WFDC10B: variants seen among roughly 807,000 people sequenced by gnomAD.
The protein encoded by WFDC10B is protein WFDC10B.
In WFDC10B, 1 loss-of-function variant was observed where a neutral mutation model predicts 2.7. That is an observed-to-expected ratio of 0.38 (90% CI 0.13 to 1.79). The LOEUF is 1.79. Ranked by LOEUF, WFDC10B falls within the 40% of genes most tolerant of loss-of-function variation. The pLI is 0.33. For missense variants in WFDC10B, 71 were observed against 87.8 expected (o/e 0.81, Z 0.76); for synonymous variants, 26 against 32.2 (o/e 0.81, Z 0.65).
intron 2 of WFDC10B, among the ~76,000 whole-genome samples, chr20:45,689,368 T>C (rs1297102498): frequency 3.3e-5 from 5 of 151,614 alleles, no homozygotes; most frequent in Admixed American, 1.3e-4. Context: ...TTTTTTCCAA[T>C]TCTGTGAAGA....
chr20:45,692,643 T>C (rs898994534), intron 2 of WFDC10B, among the ~76,000 whole-genome samples: 1 of 152,248 alleles, frequency 6.6e-6, no homozygotes, highest in African/African-American at 2.4e-5. Flanking sequence ...GGCTTCTGCA[T>C]TCTTCATGTA....
chr20:45,685,074 CCTGGACTCTT>C (rs1315445639), intron 3 of WFDC10B, 114 bp from the exon 4 acceptor site: 1 of 1,384,656 alleles, frequency 7.2e-7, no homozygotes, highest in Non-Finnish European at 9.8e-7. Context: ...CCACGACTCT[CCTGGACTCTT>C]CAGGGAACTT....
Position 45,684,861 on chromosome 20 carries a change from A to G in WFDC10B, c.191T>C (p.Phe64Ser), listed in dbSNP as rs1428897743. The G allele has an allele frequency of 1.2e-6, 2 of 1,614,020 alleles. No homozygotes were observed. Among genetic ancestry groups the G allele is most frequent in the South Asian group, 2.2e-5 (2 of 91,076 alleles). The change falls in exon 4 of 4, where the codon TTC (phenylalanine) becomes TCC (serine). Residue 64 changes from phenylalanine to serine, a missense_variant. Coordinates refer to ENST00000330523, the MANE Select transcript of WFDC10B (RefSeq NM_172006.2). ...CETNKICCSA[F>S]CGNICMSIL ...GATGCTCATACAAATGTTCCCACAGAAGGCTGAACAGCATATCTTATTTGT... is the reference window on the plus strand; with the variant it reads ...GATGCTCATACAAATGTTCCCACAGGAGGCTGAACAGCATATCTTATTTGT...
intron 2 of WFDC10B, chr20:45,702,305 AC>A: frequency 1.6e-6 from 2 of 1,289,626 alleles, no homozygotes; most frequent in East Asian, 5.1e-5. Flanking sequence ...TTGGAAAAAT[AC>A]CGTGTCATGT....
At chr20:45,699,046 T>C (rs1984066870) in intron 2 of WFDC10B, among the ~76,000 whole-genome samples, 1 of 151,862 alleles carries the variant, frequency 6.6e-6, no homozygotes, top group South Asian at 2.1e-4. Flanking sequence ...CATCATTAGT[T>C]ATTAGGGAAA....
rs200129513 is a variant in WFDC10B at position 45,686,139 on chromosome 20, TCCTTGCTTCCTGC to T, written c.-64-96_-64-84del. The T allele has an allele frequency of 2.0e-3, 2,814 of 1,434,932 alleles. 43 individuals are homozygous for T. In the African/African-American group the frequency reaches 0.036, roughly 18 times the overall value. The allele number at this position is 1,434,932 out of a possible 1,614,324, so 88.9% of individuals were successfully genotyped here. The stretch of plus-strand genomic sequence containing the variant: ...TGGACAAGTCAGGGCAGAGCAAGAG[TCCTTGCTTCCTGC>T]CCTTGCCTTCTCCTGGCCCTGTCCT... On this transcript the variant is annotated intron_variant, in intron 2 of 3. Transcript: ENST00000330523.
chr20:45,704,912 C>CTG lies in WFDC10B; in HGVS notation c.-130+4_-130+5dup. 1 of 1,613,668 alleles carries CTG rather than the reference C, an allele frequency of 6.2e-7. No individual in the cohort carries two copies. The highest frequency in any genetic ancestry group is 8.5e-7 in the Non-Finnish European group (1 of 1,179,598). Reference sequence around the variant, plus strand: ...AGAATCCACCCTTATCCCAGGGACACTGTACCTGCAGGTGTAACCAAAATC... The same window carrying CTG: ...AGAATCCACCCTTATCCCAGGGACACTGTGTACCTGCAGGTGTAACCAAAATC... On this transcript the variant is annotated splice_donor_region_variant and intron_variant, in intron 1 of 3. Coordinates refer to ENST00000330523, the MANE Select transcript of WFDC10B (RefSeq NM_172006.2).
At chr20:45,686,857 C>T (rs139174434) in intron 2 of WFDC10B, among the ~76,000 whole-genome samples, 1,587 of 152,054 alleles carry the variant, frequency 0.01, 27 homozygotes, top group African/African-American at 0.035. Context: ...GATGGGGTTC[C>T]GCCATGTTGG....
At position 45,704,912 on chromosome 20, in the gene WFDC10B, C is replaced by T; in HGVS notation, c.-130+6G>A. 6.2e-7 allele frequency: 1 copy of T among 1,613,666 alleles called. No homozygotes were observed. The highest frequency in any genetic ancestry group is 1.1e-5 in the South Asian group (1 of 91,064). On this transcript the variant is annotated splice_donor_region_variant and intron_variant, in intron 1 of 3. Transcript: ENST00000330523. ...AGAATCCACCCTTATCCCAGGGACA[C>T]TGTACCTGCAGGTGTAACCAAAATC... is the stretch of plus-strand genomic sequence containing the variant.
chr20:45,704,357 T>C, intron 2 of WFDC10B, 140 bp downstream of exon 2: 2 of 1,518,028 alleles, frequency 1.3e-6, no homozygotes, highest in Non-Finnish European at 1.8e-6. Context: ...GGTGGCAGGT[T>C]TCCTGGCAGT....
chr20:45,701,741 G>A (rs1360768244), intron 2 of WFDC10B, among the ~76,000 whole-genome samples: 2 of 140,674 alleles, frequency 1.4e-5, no homozygotes, highest in African/African-American at 2.6e-5. Flanking sequence ...CAGCCTGGGT[G>A]ACAGAGCCAG....
intron 2 of WFDC10B, among the ~76,000 whole-genome samples, chr20:45,700,911 A>C (rs1013967444): frequency 6.6e-6 from 1 of 152,244 alleles, no homozygotes; most frequent in African/African-American, 2.4e-5. Flanking sequence ...GAACACACAA[A>C]GAAACCATAA....
At chr20:45,701,543 C>A (rs914276421) in intron 2 of WFDC10B, among the ~76,000 whole-genome samples, 4 of 152,082 alleles carry the variant, frequency 2.6e-5, no homozygotes, top group African/African-American at 9.7e-5. Flanking sequence ...GGGCAGATCA[C>A]CTGAGGTCAG....
chr20:45,703,714 G>A (rs60127646), intron 2 of WFDC10B, among the ~76,000 whole-genome samples: 6,501 of 152,130 alleles, frequency 0.043, 493 homozygotes, highest in African/African-American at 0.15. Flanking sequence ...AAATACTTGG[G>A]GGTAGGGGAG....
chr20:45,686,532 AT>A (rs201621296), intron 2 of WFDC10B, among the ~76,000 whole-genome samples: 23 of 136,218 alleles, frequency 1.7e-4, no homozygotes, highest in East Asian at 1.4e-3. Context: ...AAAAGACATA[AT>A]TTTTTTGGGG....
chr20:45,692,056 T>C (rs1307723546), intron 2 of WFDC10B, among the ~76,000 whole-genome samples: 1 of 152,204 alleles, frequency 6.6e-6, no homozygotes, highest in Non-Finnish European at 1.5e-5. Context: ...TCTCAGTATT[T>C]GCTTGTCTAT....
At chr20:45,696,659 G>A (rs948113271) in intron 2 of WFDC10B, among the ~76,000 whole-genome samples, 2 of 151,992 alleles carry the variant, frequency 1.3e-5, no homozygotes, top group Non-Finnish European at 2.9e-5. Flanking sequence ...TGGATGAAAT[G>A]GACAAATTCC....
At chr20:45,694,455 T>C (rs180764445) in intron 2 of WFDC10B, among the ~76,000 whole-genome samples, 4 of 152,268 alleles carry the variant, frequency 2.6e-5, no homozygotes, top group East Asian at 3.9e-4. Context: ...TATATATCGA[T>C]AAAAGGGTCA....
At chr20:45,690,895 T>C (rs1420271386) in intron 2 of WFDC10B, among the ~76,000 whole-genome samples, 1 of 152,222 alleles carries the variant, frequency 6.6e-6, no homozygotes, top group Non-Finnish European at 1.5e-5. Context: ...ATGTGTTTGC[T>C]CTTGCTTTTC....
Sources: allele counts gnomAD v4.1 joint callset (sites outside exome capture counted in the v4.1 genomes callset), GRCh38; gene constraint gnomAD v4.1.1; transcripts MANE v1.5; gene names NCBI Gene and HGNC (gene_info 2026-07-23, HGNC 2026-07-21).